Variants in C8B observed in about 807,000 individuals in gnomAD.
C8B encodes the protein complement C8 beta chain, also known as complement component C8 beta chain.
C8B carries 67 observed loss-of-function variants against 64.6 expected under a neutral mutation model. That is an observed-to-expected ratio of 1.04 (90% CI 0.85 to 1.27). C8B has a LOEUF of 1.27. C8B is among the 50% of genes most tolerant of loss of function. The pLI is 0.00. For synonymous variants in C8B, 284 were observed against 257.7 expected (o/e 1.10, Z -0.98); for missense variants, 790 against 725.2 (o/e 1.09, Z -1.03).
In C8B at chr1:56,945,888, T is replaced by C. The variant is rs1455855933; in HGVS notation, c.1038A>G (p.Thr346=). ...LFRDFGTHYI[T]EAVLGGIYEY... ...CATAAATGCCCCCAAGCACAGCCTC[T>C]GTGATGTAGTGGGTCCCAAAATCAC... is the stretch of plus-strand genomic sequence containing the variant. Residue 346 remains threonine (T), a synonymous_variant, in exon 7 of 12, where the codon ACA becomes ACG. Coordinates refer to ENST00000371237, the MANE Select transcript of C8B (RefSeq NM_000066.4). 4.3e-6 allele frequency: 7 copies of C among 1,614,024 alleles called. No homozygotes were observed. The East Asian group carries it at 1.6e-4, about 36-fold the overall frequency.
rs1048166984 is a variant in C8B at position 56,942,912 on chromosome 1, A to G, written c.1234+784T>C. Among the ~76,000 whole-genome samples, 118 of 151,400 alleles carry G rather than the reference A, an allele frequency of 7.8e-4. 1 individual carries two copies. The highest frequency in any genetic ancestry group is 2.8e-3 in the African/African-American group (114 of 41,374). ...TGGCAAAACCCTGTCTCTGTAAAAA[A>G]TAAAATAAAATAAAATAAATAATAA... On this transcript the variant is annotated intron_variant, in intron 8 of 11. Coordinates refer to ENST00000371237, the MANE Select transcript of C8B (RefSeq NM_000066.4).
chr1:56,954,690 T>C lies in C8B; in HGVS notation c.529A>G (p.Ser177Gly), dbSNP rs1466042313. 6.2e-7 allele frequency: 1 copy of C among 1,614,200 alleles called. No individual in the cohort carries two copies. ...DQYWGIGSLASGINLFTNSFE... is the reference protein window; with the variant it reads ...DQYWGIGSLAGGINLFTNSFE... ...CACAGAAAAATGGTCACTTACCCAC[T>C]GGCCAGACTGCCAATTCCCCAGTAT... Residue 177 changes from serine (S) to glycine (G), a missense_variant, in exon 4 of 12, where the codon AGT becomes GGT. Physicochemically the swap from Ser to Gly is moderately conservative, Grantham distance 56. Transcript: ENST00000371237.
chr1:56,948,254 C>T (rs1056745843), intron 6 of C8B, among the ~76,000 whole-genome samples: 3 of 152,082 alleles, frequency 2.0e-5, no homozygotes, highest in Non-Finnish European at 4.4e-5. Context: ...AGCTAGGAGA[C>T]AAACTATTTA....
chr1:56,949,281 G>C (rs2101422029), intron 6 of C8B, among the ~76,000 whole-genome samples: 1 of 152,246 alleles, frequency 6.6e-6, no homozygotes, highest in African/African-American at 2.4e-5. Flanking sequence ...GTTATCGTAG[G>C]AGTGGGCTCC....
intron 8 of C8B, 137 bp downstream of exon 8, chr1:56,943,559 T>C (rs1644895992): frequency 9.7e-7 from 1 of 1,034,920 alleles, no homozygotes; most frequent in Non-Finnish European, 1.5e-6. Flanking sequence ...GGTAAAACTA[T>C]AAAAAACAGA....
intron 5 of C8B, 113 bp from the exon 6 acceptor site, chr1:56,949,865 T>C: frequency 1.3e-6 from 1 of 784,748 alleles, no homozygotes; most frequent in Non-Finnish European, 2.1e-6. Flanking sequence ...AACTAGATGC[T>C]CTGGATACAG....
chr1:56,945,786 C>A (rs1644931418), intron 7 of C8B, 35 bp downstream of exon 7: 2 of 1,613,706 alleles, frequency 1.2e-6, no homozygotes, highest in Non-Finnish European at 1.7e-6. Flanking sequence ...CTTCCCCCAG[C>A]TTTTAGGAAA....
chr1:56,965,904 T>C lies in C8B; in HGVS notation c.45A>G (p.Leu15=). The C allele has an allele frequency of 1.2e-6, 2 of 1,613,694 alleles. No homozygotes were observed. Among genetic ancestry groups the C allele is most frequent in the Non-Finnish European group, 1.7e-6 (2 of 1,179,932 alleles). Residue 15 remains leucine (L), a synonymous_variant, in exon 1 of 12, where the codon CTA becomes CTG. Transcript: ENST00000371237. Reference sequence around the variant, plus strand: ...AGCCCAGGGCAGCACAGAGAAGAAATAGCTCCACCGGCGCCCTCCAAGCCC... The same window carrying C: ...AGCCCAGGGCAGCACAGAGAAGAAACAGCTCCACCGGCGCCCTCCAAGCCC... ...RTWAWRAPVE[L]FLLCAALGCL... is the part of the protein sequence containing the mutation.
intron 6 of C8B, 54 bp from the exon 7 acceptor site, chr1:56,946,115 A>G: frequency 1.2e-6 from 2 of 1,605,778 alleles, no homozygotes; most frequent in Non-Finnish European, 1.7e-6. Context: ...GGAATCTGGA[A>G]CGAGAAGATG....
Position 56,954,863 on chromosome 1 carries a change from G to A in C8B, c.392-36C>T, listed in dbSNP as rs773742108. The stretch of plus-strand genomic sequence containing the variant: ...GAAAGAGTATTACCCACAGCCACAT[G>A]GTTGGCAAGAAAGGAACTAACATAG... On this transcript the variant is annotated intron_variant, in intron 3 of 11. Coordinates refer to ENST00000371237, the MANE Select transcript of C8B (RefSeq NM_000066.4). 3.1e-6 allele frequency: 5 copies of A among 1,613,782 alleles called. 1 individual carries two copies. In the Admixed American group the frequency reaches 8.3e-5, roughly 27 times the overall value.
rs926758461 is a variant in C8B, at chr1:56,929,253, A to G, written c.*151T>C. The G allele has an allele frequency of 1.3e-6, 1 of 783,986 alleles. No individual in the cohort carries two copies. Among genetic ancestry groups the G allele is most frequent in the Non-Finnish European group, 2.2e-6 (1 of 449,160 alleles). The allele number at this position is 783,986 out of a possible 1,614,324, so 48.6% of individuals were successfully genotyped here. On this transcript the variant is annotated 3_prime_UTR_variant, in exon 12 of 12. Coordinates refer to ENST00000371237, the MANE Select transcript of C8B (RefSeq NM_000066.4). Reference sequence around the variant, plus strand: ...ATTTATTTAAATCAACTTGCATTTTACAAGGTAACATCTTTATTTTAAACA... The same window carrying G: ...ATTTATTTAAATCAACTTGCATTTTGCAAGGTAACATCTTTATTTTAAACA...
intron 6 of C8B, 66 bp from the exon 7 acceptor site, chr1:56,946,127 A>G: frequency 1.3e-6 from 2 of 1,587,212 alleles, no homozygotes; most frequent in Non-Finnish European, 1.7e-6. Context: ...GAGAAGATGA[A>G]CTTTACAAAT....
chr1:56,931,832 G>C lies in C8B; in HGVS notation c.1599C>G (p.Ala533=). The C allele has an allele frequency of 6.2e-7, 1 of 1,611,952 alleles. No homozygotes were observed. Among genetic ancestry groups the C allele is most frequent in the East Asian group, 2.2e-5 (1 of 44,836 alleles). Residue 533 remains alanine (A), a synonymous_variant, in exon 11 of 12, where the codon GCC becomes GCG. Coordinates refer to ENST00000371237, the MANE Select transcript of C8B (RefSeq NM_000066.4). ...CICPVGSQGL[A]CEVSYRKNTP... is the part of the protein sequence containing the mutation. Reference sequence around the variant, plus strand: ...TACTCTTCCGATAGGAGACCTCACAGGCTAGGCCTTGGGATCCAACAGGAC... The same window carrying C: ...TACTCTTCCGATAGGAGACCTCACACGCTAGGCCTTGGGATCCAACAGGAC...
Position 56,949,588 on chromosome 1 carries a change from G to C in C8B, c.831C>G (p.His277Gln). The change falls in exon 6 of 12, where the codon CAC becomes CAG. Residue 277 changes from histidine to glutamine, a missense_variant. Coordinates refer to ENST00000371237, the MANE Select transcript of C8B (RefSeq NM_000066.4). ...AGAATCGTTTGGTTCTCCTAATATA[G>C]TGTTTGCCTCGATCACTTTGACTAC... ...GISSQSDRGK[H>Q]YIRRTKRFSH... 1.2e-6 allele frequency: 2 copies of C among 1,613,972 alleles called. No homozygotes were observed. Among genetic ancestry groups the C allele is most frequent in the Non-Finnish European group, 1.7e-6 (2 of 1,179,930 alleles).
At chr1:56,959,474 T>A in intron 2 of C8B, 1 of 1,078,472 alleles carries the variant, frequency 9.3e-7, no homozygotes, top group Non-Finnish European at 1.4e-6. Context: ...TGAGTAGGAG[T>A]TTCAAATTGT....
chr1:56,962,424 C>G (rs1180721169), intron 1 of C8B, among the ~76,000 whole-genome samples: 4 of 152,140 alleles, frequency 2.6e-5, no homozygotes, highest in African/African-American at 4.8e-5. Flanking sequence ...TAACGAGGAG[C>G]CACATAAATT....
At chr1:56,960,685 G>A (rs1283669778) in intron 1 of C8B, among the ~76,000 whole-genome samples, 1 of 152,224 alleles carries the variant, frequency 6.6e-6, no homozygotes, top group Non-Finnish European at 1.5e-5. Context: ...AGGATGGGGA[G>A]AACCAGCATA....
At chr1:56,960,443 G>A (rs1461942843) in intron 1 of C8B, among the ~76,000 whole-genome samples, 1 of 152,140 alleles carries the variant, frequency 6.6e-6, no homozygotes, top group Non-Finnish European at 1.5e-5. Flanking sequence ...CATGTAGTAA[G>A]CACCTAACAT....
intron 10 of C8B, 24 bp downstream of exon 10, chr1:56,933,311 A>G (rs1395277234): frequency 1.2e-6 from 2 of 1,607,890 alleles, no homozygotes; most frequent in Admixed American, 3.3e-5. Context: ...TCCACCAGGG[A>G]CACCAGCTGC....
Sources: allele counts gnomAD v4.1 joint callset (sites outside exome capture counted in the v4.1 genomes callset), GRCh38; gene constraint gnomAD v4.1.1; transcripts MANE v1.5; gene names NCBI Gene and HGNC (gene_info 2026-07-23, HGNC 2026-07-21).